DNAJA3: variants seen among roughly 807,000 people sequenced by gnomAD.
The protein encoded by DNAJA3 is dnaJ homolog subfamily A member 3, mitochondrial.
Under a neutral mutation model 54.9 loss-of-function variants are expected in DNAJA3, and 29 were observed. The observed-to-expected ratio is 0.53, with a 90% confidence interval of 0.39 to 0.72. DNAJA3 has a LOEUF of 0.72. DNAJA3 is among the 30% of genes least tolerant of loss of function. DNAJA3 has a pLI of 0.00. For synonymous variants in DNAJA3, 302 were observed against 251.4 expected (o/e 1.20, Z -1.90); for missense variants, 708 against 639.4 (o/e 1.11, Z -1.16).
rs921737982 is a variant in DNAJA3, at chr16:4,441,534, T to G, written c.589T>G (p.Ser197Ala). The G allele has an allele frequency of 4.3e-6, 7 of 1,614,072 alleles. No homozygotes were observed. In the African/African-American group the frequency reaches 9.3e-5, roughly 22 times the overall value. Reference protein sequence around the residue: ...RKIFGEFSSSSFGDFQTVFDQ... With the variant: ...RKIFGEFSSSAFGDFQTVFDQ... ...GATCTTTGGCGAGTTCTCATCCTCT[T>G]CATTTGGAGATTTCCAGACCGTGTT... Residue 197 changes from serine to alanine, a missense_variant, in exon 4 of 12, where the codon TCA becomes GCA. By Grantham distance (99) the Ser-to-Ala change is moderately conservative. Coordinates refer to ENST00000262375, the MANE Select transcript of DNAJA3 (RefSeq NM_005147.6).
intron 5 of DNAJA3, 38 bp from the exon 6 acceptor site, chr16:4,442,979 C>A: frequency 6.2e-7 from 1 of 1,602,514 alleles, no homozygotes; most frequent in African/African-American, 1.3e-5. Flanking sequence ...ATCAGTTTAC[C>A]TGCGTACTTA....
At chr16:4,447,114 A>C (rs2056912111) in intron 8 of DNAJA3, 100 bp downstream of exon 8, 7 of 1,418,856 alleles carry the variant, frequency 4.9e-6, no homozygotes, top group Non-Finnish European at 6.7e-6. Context: ...ATGAGTGACC[A>C]GCATGTGGGG....
intron 3 of DNAJA3, 82 bp from the exon 4 acceptor site, chr16:4,441,293 G>C (rs781617622): frequency 2.3e-6 from 3 of 1,309,632 alleles, no homozygotes; most frequent in Non-Finnish European, 3.2e-6. Context: ...TGTTATGGCT[G>C]CCTTATTTGC....
At chr16:4,439,197 CT>C (rs541571768) in intron 3 of DNAJA3, among the ~76,000 whole-genome samples, 54 of 151,868 alleles carry the variant, frequency 3.6e-4, no homozygotes, top group Non-Finnish European at 5.9e-4. Flanking sequence ...CCCATCTCTA[CT>C]AAAAATACAA....
At chr16:4,434,557 A>G (rs1473899793) in intron 2 of DNAJA3, 40 bp downstream of exon 2, 1 of 1,600,886 alleles carries the variant, frequency 6.2e-7, no homozygotes, top group East Asian at 2.2e-5. Flanking sequence ...AAATTGTAGT[A>G]GGAATGTTGT....
intron 7 of DNAJA3, 57 bp from the exon 8 acceptor site, chr16:4,446,829 T>C: frequency 6.3e-7 from 1 of 1,599,384 alleles, no homozygotes; most frequent in Non-Finnish European, 8.5e-7. Context: ...GGCATGCAGC[T>C]GGTGTTTAGT....
At chr16:4,450,266 C>G (rs887849280) in intron 9 of DNAJA3, 134 bp from the exon 10 acceptor site, 1 of 636,824 alleles carries the variant, frequency 1.6e-6, no homozygotes, top group Middle Eastern at 4.2e-4. Context: ...CACCGCTGCA[C>G]TGGCTCAGGG....
intron 1 of DNAJA3, chr16:4,433,378 C>A (rs2056731070): frequency 6.6e-6 from 1 of 152,212 alleles, no homozygotes; most frequent in Non-Finnish European, 1.5e-5. Flanking sequence ...CTTCCCCGAC[C>A]TTCTTAGATT....
chr16:4,455,069 A>AGTGGAG, intron 11 of DNAJA3, 142 bp downstream of exon 11: 3 of 644,732 alleles, frequency 4.7e-6, no homozygotes, highest in Non-Finnish European at 8.3e-6. Flanking sequence ...ACCTAGCTCC[A>AGTGGAG]CTAGGAGCTG....
At chr16:4,431,593 T>C (rs1213751339) in intron 1 of DNAJA3, 2 of 152,206 alleles carry the variant, frequency 1.3e-5, no homozygotes, top group African/African-American at 2.4e-5. Context: ...CTTTTTTTTT[T>C]TTCAGGTGGA....
chr16:4,441,330 C>A (rs1441537097), intron 3 of DNAJA3, 45 bp from the exon 4 acceptor site: 3 of 1,557,224 alleles, frequency 1.9e-6, no homozygotes, highest in South Asian at 1.2e-5. Flanking sequence ...TATTCCTGGG[C>A]CTTGGTAGAC....
In DNAJA3 at chr16:4,443,088, C is replaced by G. The variant is rs898775352; in HGVS notation, c.855C>G (p.Ile285Met). The change falls in exon 6 of 12, where the codon ATC becomes ATG. Residue 285 changes from isoleucine to methionine, a missense_variant. Transcript: ENST00000262375. ...CRRCGGRGSIIISPCVVCRGA... is the reference protein window; with the variant it reads ...CRRCGGRGSIMISPCVVCRGA... Reference sequence around the variant, plus strand: ...GATGTGGTGGCCGCGGCTCCATCATCATATCGCCCTGTGTGGTCTGCAGGG... The same window carrying G: ...GATGTGGTGGCCGCGGCTCCATCATGATATCGCCCTGTGTGGTCTGCAGGG... 6.2e-7 allele frequency: 1 copy of G among 1,613,936 alleles called. No homozygotes were observed. The highest frequency in any genetic ancestry group is 1.1e-5 in the South Asian group (1 of 91,066).
chr16:4,455,295 C>T (rs541328921), intron 11 of DNAJA3, among the ~76,000 whole-genome samples: 1 of 152,318 alleles, frequency 6.6e-6, no homozygotes, highest in South Asian at 2.1e-4. Flanking sequence ...TCCTCACGTC[C>T]TGCCTGCTTG....
chr16:4,451,122 C>G (rs1048538293), intron 10 of DNAJA3, among the ~76,000 whole-genome samples: 3 of 152,212 alleles, frequency 2.0e-5, no homozygotes, highest in Non-Finnish European at 4.4e-5. Context: ...CAATGGCACC[C>G]CAGCTGCAGC....
chr16:4,446,308 A>G (rs1456135388), intron 7 of DNAJA3, among the ~76,000 whole-genome samples: 2 of 139,050 alleles, frequency 1.4e-5, no homozygotes, highest in Non-Finnish European at 3.0e-5. Flanking sequence ...CAGTGGTGTG[A>G]TCTCTGTTCA....
intron 1 of DNAJA3, among the ~76,000 whole-genome samples, chr16:4,428,821 A>G (rs867547008): frequency 2.0e-5 from 3 of 151,804 alleles, no homozygotes; most frequent in South Asian, 2.1e-4. Context: ...GGAGGATCAC[A>G]TGAGCCTAGC....
chr16:4,451,202 G>T (rs577132870), intron 10 of DNAJA3, among the ~76,000 whole-genome samples: 1 of 152,322 alleles, frequency 6.6e-6, no homozygotes, highest in Non-Finnish European at 1.5e-5. Context: ...GCTGTGCCCA[G>T]GGGTCCTTGG....
intron 8 of DNAJA3, 41 bp from the exon 9 acceptor site, chr16:4,448,692 A>G (rs1279549557): frequency 4.1e-6 from 6 of 1,470,532 alleles, no homozygotes; most frequent in South Asian, 2.3e-5. Context: ...TATTTGAGCA[A>G]CTGGGGACCA....
intron 8 of DNAJA3, 174 bp downstream of exon 8, chr16:4,447,188 C>A: frequency 1.4e-6 from 1 of 693,088 alleles, no homozygotes; most frequent in Non-Finnish European, 2.4e-6. Context: ...CCACAAGCCA[C>A]AGGCCTTGAG....
Sources: gnomAD v4.1 joint callset for allele counts (sites outside exome capture counted in the v4.1 genomes callset) on GRCh38, gnomAD v4.1.1 for gene constraint, MANE v1.5 for transcripts, NCBI Gene and HGNC (gene_info 2026-07-23, HGNC 2026-07-21) for gene names.